The following MOSMO variants were observed in gnomAD, a reference collection of about 807,000 sequenced individuals.
The protein encoded by MOSMO is modulator of smoothened protein.
MOSMO carries 5 observed loss-of-function variants against 18.4 expected under a neutral mutation model. The ratio of observed to expected loss-of-function variants is 0.27; its 90% CI spans 0.14 to 0.57. The LOEUF is 0.57. Ranked by LOEUF, MOSMO falls within the 20% of genes least tolerant of loss-of-function variation. The probability of loss-of-function intolerance (pLI) is 0.92; values close to 1 mark genes in which losing one functional copy is unlikely to be tolerated. For synonymous variants in MOSMO, 82 were observed against 82.3 expected (o/e 1.00, Z 0.02); for missense variants, 138 against 211.8 (o/e 0.65, Z 2.16).
intron 1 of MOSMO, among the ~76,000 whole-genome samples, chr16:22,031,552 C>G (rs925988335): frequency 6.6e-6 from 1 of 152,162 alleles, no homozygotes; most frequent in Non-Finnish European, 1.5e-5. Flanking sequence ...TAAGTAACTA[C>G]TAATCTACTT....
chr16:22,085,812 G>A (rs1051589803), downstream of MOSMO: 1 of 152,040 alleles, frequency 6.6e-6, no homozygotes, highest in Non-Finnish European at 1.5e-5. Flanking sequence ...AAGAGTTTTG[G>A]TTCTTTTCCC....
chr16:22,058,430 A>G (rs1457210267), intron 1 of MOSMO, among the ~76,000 whole-genome samples: 4 of 150,928 alleles, frequency 2.7e-5, no homozygotes, highest in Non-Finnish European at 5.9e-5. Context: ...CGTCTCAAAA[A>G]AAAAAAAAAA....
At chr16:22,068,075 T>C (rs1017407265) in intron 1 of MOSMO, among the ~76,000 whole-genome samples, 15 of 152,166 alleles carry the variant, frequency 9.9e-5, no homozygotes, top group Non-Finnish European at 1.5e-4. Flanking sequence ...CTAGTCAATA[T>C]TTTGGATCCA....
intron 1 of MOSMO, among the ~76,000 whole-genome samples, chr16:22,052,951 CTTTTTTTTTTT>C (rs1198266671): frequency 3.2e-5 from 4 of 124,110 alleles, no homozygotes; most frequent in Non-Finnish European, 5.2e-5. Flanking sequence ...CTCTCATCTT[CTTTTTTTTTTT>C]TTTTTTTTTT....
At chr16:22,028,324 G>C (rs1302563278) in intron 1 of MOSMO, among the ~76,000 whole-genome samples, 1 of 150,710 alleles carries the variant, frequency 6.6e-6, no homozygotes, top group African/African-American at 2.4e-5. Flanking sequence ...AATATGGATA[G>C]GGCTACTGGA....
intron 1 of MOSMO, among the ~76,000 whole-genome samples, chr16:22,048,974 T>C (rs1425131395): frequency 6.6e-6 from 1 of 152,210 alleles, no homozygotes; most frequent in African/African-American, 2.4e-5. Flanking sequence ...CTGATATTTC[T>C]TGATGCTATC....
At chr16:22,018,738 G>T (rs977152876) in intron 1 of MOSMO, among the ~76,000 whole-genome samples, 1 of 152,128 alleles carries the variant, frequency 6.6e-6, no homozygotes, top group South Asian at 2.1e-4. Flanking sequence ...TTGTGAGTAT[G>T]TACCAACATA....
intron 1 of MOSMO, among the ~76,000 whole-genome samples, chr16:22,034,541 C>CTCGTGTGATT (rs1900062774): frequency 6.6e-6 from 1 of 152,062 alleles, no homozygotes; most frequent in African/African-American, 2.4e-5. Flanking sequence ...TCTCTCCTTG[C>CTCGTGTGATT]TCGTGTGATT....
chr16:22,092,256 C>G (rs1228977422), downstream of MOSMO: 1 of 170,366 alleles, frequency 5.9e-6, no homozygotes, highest in African/African-American at 2.4e-5. Context: ...CTGTTCCTAC[C>G]ACAGGAAGGC....
chr16:22,011,382 A>G (rs1899524438), intron 1 of MOSMO, among the ~76,000 whole-genome samples: 2 of 152,374 alleles, frequency 1.3e-5, no homozygotes, highest in East Asian at 1.9e-4. Context: ...TTGCAACAAA[A>G]TGACAGAGCA....
rs550189638 is a variant in MOSMO at position 22,059,454 on chromosome 16, G to A, written c.107-16033G>A. ...CTAAGCCTCAGTCTGGGATTAAGAT[G>A]GTGGGTGTATTAGTCCATTCTCACA... is the stretch of plus-strand genomic sequence containing the variant. On this transcript the variant is annotated intron_variant, in intron 1 of 2. Coordinates refer to ENST00000542527, the MANE Select transcript of MOSMO (RefSeq NM_001164579.2). 2.4e-4 allele frequency among the ~76,000 whole-genome samples: 36 copies of A among 152,234 alleles called. No individual in the cohort carries two copies. The South Asian group carries it at 7.5e-3, about 32-fold the overall frequency.
At chr16:22,056,111 A>G (rs1246462906) in intron 1 of MOSMO, among the ~76,000 whole-genome samples, 1 of 152,138 alleles carries the variant, frequency 6.6e-6, no homozygotes, top group Non-Finnish European at 1.5e-5. Context: ...CTTGGGGTAT[A>G]TTCCTGCTTT....
chr16:22,038,206 G>A (rs1200432445), intron 1 of MOSMO, among the ~76,000 whole-genome samples: 1 of 152,212 alleles, frequency 6.6e-6, no homozygotes, highest in African/African-American at 2.4e-5. Context: ...AAATTGAAAA[G>A]TACATTAGTC....
intron 1 of MOSMO, among the ~76,000 whole-genome samples, chr16:22,008,784 G>A (rs1567496232): frequency 6.6e-6 from 1 of 151,042 alleles, no homozygotes. Flanking sequence ...GAGACGGGAG[G>A]AAACTGAGGC....
chr16:22,027,292 A>G (rs556490349), intron 1 of MOSMO, among the ~76,000 whole-genome samples: 84 of 152,348 alleles, frequency 5.5e-4, no homozygotes, highest in African/African-American at 1.9e-3. Context: ...ATCAGTGTTT[A>G]TGAGACATCT....
chr16:22,057,281 C>A (rs138281805), intron 1 of MOSMO, among the ~76,000 whole-genome samples: 5 of 152,298 alleles, frequency 3.3e-5, no homozygotes, highest in African/African-American at 1.2e-4. Context: ...TGGTGAAGGA[C>A]CAATCTCTGC....
At chr16:22,088,126 C>A (rs747741217), downstream of MOSMO, among the ~76,000 whole-genome samples, 1 of 151,950 alleles carries the variant, frequency 6.6e-6, no homozygotes, top group Non-Finnish European at 1.5e-5. Flanking sequence ...TGGGCTCAAG[C>A]GATTCACCCA....
At chr16:22,023,638 G>A (rs904064561) in intron 1 of MOSMO, among the ~76,000 whole-genome samples, 1 of 151,796 alleles carries the variant, frequency 6.6e-6, no homozygotes, top group Non-Finnish European at 1.5e-5. Flanking sequence ...GGAGCCTCTT[G>A]TGGCAAATCT....
At chr16:22,073,531 A>G (rs1249292581) in intron 1 of MOSMO, among the ~76,000 whole-genome samples, 2 of 151,600 alleles carry the variant, frequency 1.3e-5, no homozygotes, top group African/African-American at 4.8e-5. Context: ...CCTTATCATA[A>G]GACACTCCCT....
Sources: gnomAD v4.1 joint callset for allele counts (sites outside exome capture counted in the v4.1 genomes callset) on GRCh38, gnomAD v4.1.1 for gene constraint, MANE v1.5 for transcripts, NCBI Gene and HGNC (gene_info 2026-07-23, HGNC 2026-07-21) for gene names.